Variants in PPP1R12B observed in about 807,000 individuals in gnomAD.
The protein encoded by PPP1R12B is protein phosphatase 1 regulatory subunit 12B, also known as myosin phosphatase target subunit 2.
PPP1R12B carries 76 observed loss-of-function variants against 126.1 expected under a neutral mutation model. The observed-to-expected ratio is 0.60, with a 90% CI of 0.50 to 0.73. The LOEUF (loss-of-function observed/expected upper bound fraction) is 0.73. Ranked by LOEUF, PPP1R12B falls within the 30% of genes least tolerant of loss-of-function variation. PPP1R12B has a pLI of 0.00. For synonymous variants in PPP1R12B, 356 were observed against 434.7 expected (o/e 0.82, Z 2.25); for missense variants, 1,052 against 1,205.1 (o/e 0.87, Z 1.88).
chr1:202,551,693 G>T (rs1468047760), intron 18 of PPP1R12B, among the ~76,000 whole-genome samples: 1 of 152,202 alleles, frequency 6.6e-6, no homozygotes, highest in Non-Finnish European at 1.5e-5. Context: ...TCCTGGGTGG[G>T]CCTGAGCTAA....
intron 1 of PPP1R12B, among the ~76,000 whole-genome samples, chr1:202,386,094 C>G (rs541092824): frequency 2.0e-5 from 3 of 151,564 alleles, no homozygotes; most frequent in Non-Finnish European, 2.9e-5. Context: ...CCACCATGCC[C>G]GGCTAATTTT....
intron 17 of PPP1R12B, among the ~76,000 whole-genome samples, 194 bp from the exon 18 acceptor site, chr1:202,496,587 C>G (rs1244030684): frequency 1.3e-5 from 2 of 152,196 alleles, no homozygotes; most frequent in South Asian, 2.1e-4. Context: ...ACTTTTTAGA[C>G]TACAGGTGAC....
At chr1:202,467,220 CTT>C (rs79038359) in intron 13 of PPP1R12B, among the ~76,000 whole-genome samples, 6 of 140,728 alleles carry the variant, frequency 4.3e-5, no homozygotes, top group Middle Eastern at 3.7e-3. Context: ...ATGTCTCTCT[CTT>C]TTTTTTTTTT....
chr1:202,423,235 T>C (rs1669047770), intron 3 of PPP1R12B, among the ~76,000 whole-genome samples: 1 of 152,202 alleles, frequency 6.6e-6, no homozygotes, highest in African/African-American at 2.4e-5. Context: ...CTTATTCTTA[T>C]TTTATAGTTT....
chr1:202,458,868 TG>T (rs1041125181), intron 13 of PPP1R12B, among the ~76,000 whole-genome samples: 1 of 152,174 alleles, frequency 6.6e-6, no homozygotes, highest in Non-Finnish European at 1.5e-5. Flanking sequence ...TAGTGAGCAT[TG>T]GGATAAATGG....
intron 8 of PPP1R12B, among the ~76,000 whole-genome samples, chr1:202,432,589 T>C (rs1670324330): frequency 6.6e-6 from 1 of 152,178 alleles, no homozygotes; most frequent in African/African-American, 2.4e-5. Context: ...AAGTTTATTG[T>C]TTGACAAGAC....
intron 18 of PPP1R12B, among the ~76,000 whole-genome samples, chr1:202,524,253 T>C (rs1387346840): frequency 6.6e-6 from 1 of 152,188 alleles, no homozygotes; most frequent in East Asian, 1.9e-4. Context: ...GAATTTTAGA[T>C]GATTCCAAGG....
rs1668506794 is a variant in PPP1R12B, at chr1:202,419,653, G to T, written c.422+2736G>T. ...TGCCTGATCCAGTAGGGATGGAATA[G>T]ATGTCAGAGTAGAGTGGTTAAGATA... On this transcript the variant is annotated intron_variant, in intron 2 of 23. Transcript: ENST00000608999. The surrounding 1 kb of genome is among the most constrained non-coding windows in gnomAD (Gnocchi z 4.6). Among the ~76,000 whole-genome samples the T allele has an allele frequency of 1.3e-5, 2 of 152,162 alleles. No individual in the cohort carries two copies. Among genetic ancestry groups the T allele is most frequent in the Admixed American group, 6.5e-5 (1 of 15,278 alleles).
intron 1 of PPP1R12B, 35 bp downstream of exon 1, chr1:202,349,177 T>A: frequency 6.2e-7 from 1 of 1,609,428 alleles, no homozygotes; most frequent in South Asian, 1.1e-5. Flanking sequence ...GCGTCCAGTC[T>A]CCTACAGATG....
intron 18 of PPP1R12B, among the ~76,000 whole-genome samples, chr1:202,519,744 C>T (rs1015096212): frequency 4.0e-5 from 6 of 151,820 alleles, no homozygotes; most frequent in Admixed American, 3.3e-4. Context: ...GCTGCATGCT[C>T]CTTAGTTTTT....
chr1:202,549,967 A>G (rs1686145384), intron 18 of PPP1R12B, among the ~76,000 whole-genome samples: 1 of 152,138 alleles, frequency 6.6e-6, no homozygotes, highest in African/African-American at 2.4e-5. Flanking sequence ...GGCCACACAC[A>G]CTTGAGAATC....
chr1:202,516,454 T>A (rs1480911187), intron 18 of PPP1R12B, among the ~76,000 whole-genome samples: 4 of 152,212 alleles, frequency 2.6e-5, no homozygotes, highest in Non-Finnish European at 5.9e-5. Context: ...TAAGGAGATG[T>A]TGCTGACTTG....
chr1:202,414,313 A>G lies in PPP1R12B; in HGVS notation c.292-2474A>G, dbSNP rs192090476. 3.2e-3 allele frequency among the ~76,000 whole-genome samples: 481 copies of G among 152,380 alleles called. 2 individuals are homozygous for G. The highest frequency in any genetic ancestry group is 5.5e-3 in the Non-Finnish European group (375 of 68,036). The stretch of plus-strand genomic sequence containing the variant: ...CAGTGTGGAAACTGAAACCATGTCA[A>G]TGGACTTTTCTTACTCTGTTACATT... On this transcript the variant is annotated intron_variant, in intron 1 of 23. Transcript: ENST00000608999.
chr1:202,480,275 AATG>A (rs1479720509), intron 13 of PPP1R12B, among the ~76,000 whole-genome samples: 1 of 152,210 alleles, frequency 6.6e-6, no homozygotes, highest in Non-Finnish European at 1.5e-5. Context: ...CAGCTAAAGA[AATG>A]ATTAGTGAAC....
At chr1:202,444,377 C>G (rs1175762037) in intron 12 of PPP1R12B, among the ~76,000 whole-genome samples, 1 of 152,148 alleles carries the variant, frequency 6.6e-6, no homozygotes, top group Non-Finnish European at 1.5e-5. Flanking sequence ...TGAGATGGTT[C>G]TTACCTGTCT....
At chr1:202,378,970 C>T (rs75136553) in intron 1 of PPP1R12B, among the ~76,000 whole-genome samples, 5 of 152,072 alleles carry the variant, frequency 3.3e-5, no homozygotes, top group African/African-American at 1.2e-4. Flanking sequence ...AGATTTCTAC[C>T]CCAACCCACT....
intron 18 of PPP1R12B, among the ~76,000 whole-genome samples, chr1:202,548,202 T>C (rs1329387713): frequency 1.3e-5 from 2 of 152,228 alleles, no homozygotes; most frequent in Non-Finnish European, 2.9e-5. Flanking sequence ...CTACTGTCTC[T>C]TCTTTAAATA....
chr1:202,465,590 G>A (rs1674873776), intron 13 of PPP1R12B, among the ~76,000 whole-genome samples: 1 of 152,112 alleles, frequency 6.6e-6, no homozygotes, highest in Non-Finnish European at 1.5e-5. Flanking sequence ...CTTATCTTTG[G>A]GAGAGTTCCA....
At chr1:202,497,503 G>A (rs1470099606) in intron 18 of PPP1R12B, among the ~76,000 whole-genome samples, 2 of 152,180 alleles carry the variant, frequency 1.3e-5, no homozygotes, top group East Asian at 1.9e-4. Context: ...ATGACCTTTT[G>A]TATCCTACAA....
Sources: gnomAD v4.1 joint callset for allele counts (sites outside exome capture counted in the v4.1 genomes callset) on GRCh38, gnomAD v4.1.1 for gene constraint, Gnocchi (gnomAD v3.1) non-coding constraint, MANE v1.5 for transcripts, NCBI Gene and HGNC (gene_info 2026-07-23, HGNC 2026-07-21) for gene names.